The following IGSF3 variants were observed in gnomAD, a reference collection of about 807,000 sequenced individuals.
IGSF3 encodes glu-Trp-Ile EWI motif-containing protein 3.
In IGSF3, 23 loss-of-function variants were observed where a neutral mutation model predicts 114.4. The observed-to-expected ratio is 0.20, with a 90% CI of 0.14 to 0.28. The LOEUF (loss-of-function observed/expected upper bound fraction) is 0.28, where lower values mean the gene tolerates loss of function less well. Among genes scored for constraint, IGSF3 ranks in the 10% least tolerant of loss-of-function variants. The probability of loss-of-function intolerance (pLI) is 1.00; values close to 1 mark genes in which losing one functional copy is unlikely to be tolerated. For synonymous variants in IGSF3, 571 were observed against 645.2 expected (o/e 0.88, Z 1.74); for missense variants, 1,172 against 1,591.5 (o/e 0.74, Z 4.48).
chr1:116,587,969 C>G (rs1297134045), intron 8 of IGSF3, among the ~76,000 whole-genome samples: 1 of 152,152 alleles, frequency 6.6e-6, no homozygotes, highest in African/African-American at 2.4e-5. Context: ...AGAGAAGGGG[C>G]ATACATTTCA....
intron 2 of IGSF3, among the ~76,000 whole-genome samples, chr1:116,660,234 C>T (rs1226732301): frequency 2.0e-5 from 3 of 152,188 alleles, no homozygotes. Flanking sequence ...GAATGCCCTC[C>T]CCATCAAATC....
chr1:116,639,544 C>T lies in IGSF3; in HGVS notation c.44-23087G>A, dbSNP rs1399172199. 2.6e-5 allele frequency among the ~76,000 whole-genome samples: 4 copies of T among 152,210 alleles called. No individual in the cohort carries two copies. In the East Asian group the frequency reaches 5.8e-4, roughly 22 times the overall value. On this transcript the variant is annotated intron_variant, in intron 2 of 10. Coordinates refer to ENST00000369486, the MANE Select transcript of IGSF3 (RefSeq NM_001007237.3). ...TACACAGAGGCAAGAAGGGATCCTC[C>T]TCCTCTGCCTTCTCCTTTCATGCTC...
chr1:116,611,442 T>C (rs1332980369), intron 4 of IGSF3, among the ~76,000 whole-genome samples: 3 of 152,062 alleles, frequency 2.0e-5, no homozygotes, highest in East Asian at 1.9e-4. Flanking sequence ...CTAGGCACCT[T>C]TGAGGGGCTT....
chr1:116,584,389 G>C lies in IGSF3; in HGVS notation c.2848+256C>G, dbSNP rs1019961321. On this transcript the variant is annotated intron_variant, in intron 9 of 10. Coordinates refer to ENST00000369486, the MANE Select transcript of IGSF3 (RefSeq NM_001007237.3). The surrounding 1 kb of genome is among the most constrained non-coding windows in gnomAD (Gnocchi z 5.8). Reference sequence around the variant, plus strand: ...AATCTGGAAAAAGGAAATATTCTATGACCTGGAATAATTAATGGCCAGATT... The same window carrying C: ...AATCTGGAAAAAGGAAATATTCTATCACCTGGAATAATTAATGGCCAGATT... Among the ~76,000 whole-genome samples, 1 of 151,986 alleles carries C rather than the reference G, an allele frequency of 6.6e-6. No individual in the cohort carries two copies. Among genetic ancestry groups the C allele is most frequent in the South Asian group, 2.1e-4 (1 of 4,824 alleles).
chr1:116,598,964 C>T lies in IGSF3; in HGVS notation c.2029+977G>A, dbSNP rs1436072531. ...CCCAAATTAATGCATCCTTATGATC[C>T]GCTTTGAGACAGACTCAGCCTCCAT... On this transcript the variant is annotated intron_variant, in intron 7 of 10. Transcript: ENST00000369486. The surrounding 1 kb of genome is among the most constrained non-coding windows in gnomAD (Gnocchi z 4.3). Among the ~76,000 whole-genome samples, 4 of 152,174 alleles carry T rather than the reference C, an allele frequency of 2.6e-5. No individual in the cohort carries two copies. The highest frequency in any genetic ancestry group is 7.2e-5 in the African/African-American group (3 of 41,434).
intron 4 of IGSF3, among the ~76,000 whole-genome samples, 166 bp from the exon 5 acceptor site, chr1:116,608,497 A>C (rs1284196510): frequency 6.6e-6 from 1 of 152,198 alleles, no homozygotes; most frequent in African/African-American, 2.4e-5. Context: ...GACCCAGGTT[A>C]TCTAAGGTCC....
rs988956169 is a variant in IGSF3 at position 116,646,659 on chromosome 1, CAACAAAGGCAGCTTAAGGG to C, written c.43+19606_43+19624del. Among the ~76,000 whole-genome samples the C allele has an allele frequency of 7.2e-5, 11 of 152,284 alleles. No individual in the cohort carries two copies. The South Asian group carries it at 1.4e-3, about 20-fold the overall frequency. On this transcript the variant is annotated intron_variant, in intron 2 of 10. Transcript: ENST00000369486. ...GGAGGTAGAGAGAGCTACACTGAGACAACAAAGGCAGCTTAAGGGAACAAAGCCAGCTAAGGGAACAAAG... is the reference window on the plus strand; with the variant it reads ...GGAGGTAGAGAGAGCTACACTGAGACAACAAAGCCAGCTAAGGGAACAAAG...
At position 116,584,961 on chromosome 1, in the gene IGSF3, G is replaced by T; in HGVS notation, c.2532C>A (p.Thr844=). Residue 844 remains threonine, a synonymous_variant, in exon 9 of 11, where the codon ACC becomes ACA. Transcript: ENST00000369486. The surrounding 1 kb of genome is among the most constrained non-coding windows in gnomAD (Gnocchi z 5.8). ...VQLECVVLNR[T]SITSQLMVEW... ...CCACCATGAGCTGGGAGGTTATGCT[G>T]GTGCGGTTGAGAACCACACACTCCA... The T allele has an allele frequency of 6.2e-7, 1 of 1,610,810 alleles. No individual in the cohort carries two copies. The highest frequency in any genetic ancestry group is 8.5e-7 in the Non-Finnish European group (1 of 1,177,412).
chr1:116,641,852 CT>C (rs879719145), intron 2 of IGSF3, among the ~76,000 whole-genome samples: 4,327 of 143,142 alleles, frequency 0.03, 167 homozygotes, highest in African/African-American at 0.095. Context: ...AGATTTCTTT[CT>C]TTTTTTTTTT....
chr1:116,617,804 C>T (rs1196613026), intron 2 of IGSF3, among the ~76,000 whole-genome samples: 1 of 152,370 alleles, frequency 6.6e-6, no homozygotes, highest in Admixed American at 6.5e-5. Flanking sequence ...TTCTGTGGCT[C>T]TGGATCCATA....
intron 2 of IGSF3, among the ~76,000 whole-genome samples, chr1:116,630,544 T>A (rs1311399000): frequency 6.6e-6 from 1 of 152,188 alleles, no homozygotes; most frequent in Non-Finnish European, 1.5e-5. Flanking sequence ...AGAGTTGGCA[T>A]CCAAACCCAC....
In IGSF3 at chr1:116,605,237, C is replaced by T. The variant is rs2101456544; in HGVS notation, c.1223-1212G>A. Reference sequence around the variant, plus strand: ...AATCCCAGATTTTAAGAGGCACACCCAATTACCAAGAGAAAACACACACAT... The same window carrying T: ...AATCCCAGATTTTAAGAGGCACACCTAATTACCAAGAGAAAACACACACAT... On this transcript the variant is annotated intron_variant, in intron 5 of 10. Coordinates refer to ENST00000369486, the MANE Select transcript of IGSF3 (RefSeq NM_001007237.3). The surrounding 1 kb of genome is among the most constrained non-coding windows in gnomAD (Gnocchi z 5.1). 6.6e-6 allele frequency among the ~76,000 whole-genome samples: 1 copy of T among 151,984 alleles called. No homozygotes were observed. Among genetic ancestry groups the T allele is most frequent in the East Asian group, 1.9e-4 (1 of 5,152 alleles).
At chr1:116,599,066 A>G (rs1171469610) in intron 7 of IGSF3, among the ~76,000 whole-genome samples, 2 of 152,088 alleles carry the variant, frequency 1.3e-5, no homozygotes, top group South Asian at 2.1e-4. Flanking sequence ...GAGAAAGACA[A>G]CCGGGGTTCA....
intron 7 of IGSF3, 90 bp downstream of exon 7, chr1:116,599,851 T>C: frequency 8.6e-7 from 1 of 1,168,480 alleles, no homozygotes; most frequent in Non-Finnish European, 1.2e-6. Flanking sequence ...AAGGGGGAAG[T>C]GACGCTAAGG....
At chr1:116,623,886 G>A (rs1231269048) in intron 2 of IGSF3, among the ~76,000 whole-genome samples, 17 of 151,192 alleles carry the variant, frequency 1.1e-4, no homozygotes, top group Admixed American at 1.1e-3. Context: ...AGGAGTTCGA[G>A]ACCAGCCTGG....
At position 116,663,919 on chromosome 1, in the gene IGSF3, G is replaced by A. The variant is rs376995679; in HGVS notation, c.43+2365C>T. ...TGGGCTTAAAACCTTGGGATTCTTC[G>A]CTGTTTTAAATTCATACTACACATT... On this transcript the variant is annotated intron_variant, in intron 2 of 10. Coordinates refer to ENST00000369486, the MANE Select transcript of IGSF3 (RefSeq NM_001007237.3). Among the ~76,000 whole-genome samples the A allele has an allele frequency of 6.2e-4, 95 of 152,196 alleles. 1 individual carries two copies. The South Asian group carries it at 0.015, about 25-fold the overall frequency.
In IGSF3 at chr1:116,594,913, GC is replaced by G. The variant is rs1438773318; in HGVS notation, c.2029+5027del. Reference sequence around the variant, plus strand: ...ACCCCATTCCCTCCTCACGCCCCCTGCCCCCGTTCATGCCCTGTGCTGGCTC... The same window carrying G: ...ACCCCATTCCCTCCTCACGCCCCCTGCCCCGTTCATGCCCTGTGCTGGCTC... On this transcript the variant is annotated intron_variant, in intron 7 of 10. Transcript: ENST00000369486. The surrounding 1 kb of genome is among the most constrained non-coding windows in gnomAD (Gnocchi z 5.2). 6.6e-6 allele frequency among the ~76,000 whole-genome samples: 1 copy of G among 150,396 alleles called. No homozygotes were observed. Among genetic ancestry groups the G allele is most frequent in the African/African-American group, 2.5e-5 (1 of 40,746 alleles).
chr1:116,595,283 A>G lies in IGSF3; in HGVS notation c.2029+4658T>C, dbSNP rs1268149225. On this transcript the variant is annotated intron_variant, in intron 7 of 10. Coordinates refer to ENST00000369486, the MANE Select transcript of IGSF3 (RefSeq NM_001007237.3). This position sits in a 1 kb window ranked among gnomAD's most constrained non-coding sequence, Gnocchi z 4.2. ...GGCCTGAGGGATCTGGGAGGGGCTGAGCTCTCCTCTTAGGGCTCTTGCACT... is the reference window on the plus strand; with the variant it reads ...GGCCTGAGGGATCTGGGAGGGGCTGGGCTCTCCTCTTAGGGCTCTTGCACT... Among the ~76,000 whole-genome samples the G allele has an allele frequency of 6.6e-6, 1 of 152,092 alleles. No homozygotes were observed. The highest frequency in any genetic ancestry group is 1.5e-5 in the Non-Finnish European group (1 of 68,004).
In IGSF3 at chr1:116,616,155, C is replaced by T. The variant is rs1171480534; in HGVS notation, c.346G>A (p.Gly116Arg). Residue 116 changes from glycine (G) to arginine (R), a missense_variant, in exon 3 of 11, where the codon GGG becomes AGG. Physicochemically the swap from Gly to Arg is moderately radical, Grantham distance 125 (BLOSUM62 -2). Around this residue, in one of 3 missense-constraint regions of IGSF3, gnomAD observed 736 missense variants for 1,042.0 expected, o/e 0.71. Transcript: ENST00000369486. This position sits in a 1 kb window ranked among gnomAD's most constrained non-coding sequence, Gnocchi z 6.6. ...HITDLQARDA[G>R]EYECHTPSTD... Reference sequence around the variant, plus strand: ...CTGGGTGTGTGGCATTCATACTCCCCGGCATCCCGGGCCTGAAGATCTGTG... The same window carrying T: ...CTGGGTGTGTGGCATTCATACTCCCTGGCATCCCGGGCCTGAAGATCTGTG... 1 of 1,613,776 alleles carries T rather than the reference C, an allele frequency of 6.2e-7. No homozygotes were observed.
Sources: gnomAD v4.1 joint callset for allele counts (sites outside exome capture counted in the v4.1 genomes callset) on GRCh38, gnomAD v4.1.1 for gene constraint, gnomAD v4.1.1 regional missense constraint, Gnocchi (gnomAD v3.1) non-coding constraint, MANE v1.5 for transcripts, NCBI Gene and HGNC (gene_info 2026-07-23, HGNC 2026-07-21) for gene names.